NELL2: variants seen among roughly 807,000 people sequenced by gnomAD.
The protein encoded by NELL2 is protein kinase C-binding protein NELL2.
Under a neutral mutation model 109.6 loss-of-function variants are expected in NELL2, and 41 were observed. The observed-to-expected ratio is 0.37, with a 90% confidence interval of 0.29 to 0.49. NELL2 has a LOEUF of 0.49. Ranked by LOEUF, NELL2 falls within the 20% of genes least tolerant of loss-of-function variation. The pLI is 0.98. For missense variants in NELL2, 900 were observed against 1,008.3 expected, an observed-to-expected ratio of 0.89 and a Z score of 1.45; for synonymous variants, 355 against 344.7, an observed-to-expected ratio of 1.03 and a Z score of -0.33.
At chr12:44,877,829 T>G (rs1945365016), upstream of NELL2, among the ~76,000 whole-genome samples, 1 of 152,152 alleles carries the variant, frequency 6.6e-6, no homozygotes, top group Non-Finnish European at 1.5e-5. Context: ...ATTTCAGTAC[T>G]TACAAGTGAT....
intron 9 of NELL2, among the ~76,000 whole-genome samples, chr12:44,716,912 G>C (rs1035196664): frequency 6.6e-6 from 1 of 152,000 alleles, no homozygotes; most frequent in African/African-American, 2.4e-5. Flanking sequence ...CCTTCTGTTT[G>C]AGACTCTTAA....
Position 44,532,344 on chromosome 12 carries a change from C to G in NELL2, c.1804+237G>C, listed in dbSNP as rs369964972. 5.5e-4 allele frequency among the ~76,000 whole-genome samples: 84 copies of G among 152,226 alleles called. 1 individual carries two copies. In the South Asian group the frequency reaches 7.9e-3, roughly 14 times the overall value. On this transcript the variant is annotated intron_variant, in intron 16 of 19. Coordinates refer to ENST00000429094, the MANE Select transcript of NELL2 (RefSeq NM_001145108.2). ...TTTTCATTCTAAAAACACCATTTAACAGTTGCAAGAATCCACAGAAAACTG... is the reference window on the plus strand; with the variant it reads ...TTTTCATTCTAAAAACACCATTTAAGAGTTGCAAGAATCCACAGAAAACTG...
intron 15 of NELL2, among the ~76,000 whole-genome samples, chr12:44,564,707 G>T (rs1254026919): frequency 6.6e-6 from 1 of 152,162 alleles, no homozygotes; most frequent in Non-Finnish European, 1.5e-5. Flanking sequence ...TATTATTTTA[G>T]ATACAAGGAG....
intron 2 of NELL2, among the ~76,000 whole-genome samples, chr12:44,820,765 TG>T (rs1304987683): frequency 2.6e-5 from 4 of 152,172 alleles, no homozygotes; most frequent in Non-Finnish European, 5.9e-5. Context: ...GGAAGCCTGA[TG>T]GTACCCAAAT....
rs199664700 is a variant in NELL2, at chr12:44,888,850, AT to A, written c.39-12951del. ...ACAACTGCCATAAAATAAAAAAAAA[AT>A]AAATAAATAAATAAGAGAAGTATTG... On this transcript the variant is annotated intron_variant, in intron 1 of 20. Transcript: ENST00000333837. 5.7e-4 allele frequency among the ~76,000 whole-genome samples: 87 copies of A among 151,894 alleles called. No homozygotes were observed. The East Asian group carries it at 0.016, about 28-fold the overall frequency.
intron 2 of NELL2, among the ~76,000 whole-genome samples, chr12:44,817,254 T>C (rs2136688160): frequency 6.6e-6 from 1 of 152,258 alleles, no homozygotes; most frequent in South Asian, 2.1e-4. Flanking sequence ...AGCAGAAACT[T>C]AGTTGGGAAT....
intron 12 of NELL2, among the ~76,000 whole-genome samples, chr12:44,690,063 C>T (rs1015245869): frequency 2.6e-5 from 4 of 152,142 alleles, no homozygotes; most frequent in Non-Finnish European, 5.9e-5. Flanking sequence ...CCTTCTCCCA[C>T]TTTAATGTGC....
At chr12:44,846,557 A>T (rs1944376550) in intron 2 of NELL2, among the ~76,000 whole-genome samples, 1 of 152,214 alleles carries the variant, frequency 6.6e-6, no homozygotes, top group Non-Finnish European at 1.5e-5. Flanking sequence ...TGGCTGCAGT[A>T]GTGAAGTAGC....
At chr12:44,708,338 G>A (rs182488575) in intron 11 of NELL2, among the ~76,000 whole-genome samples, 12 of 152,210 alleles carry the variant, frequency 7.9e-5, no homozygotes, top group South Asian at 2.1e-4. Flanking sequence ...GCCTGACTTC[G>A]GTGTGTAGCT....
At chr12:44,717,195 T>C (rs746435620) in intron 9 of NELL2, among the ~76,000 whole-genome samples, 1 of 152,060 alleles carries the variant, frequency 6.6e-6, no homozygotes, top group African/African-American at 2.4e-5. Context: ...CTAGACTCTT[T>C]AGAGGAGAAA....
intron 2 of NELL2, among the ~76,000 whole-genome samples, chr12:44,861,071 C>A (rs1944827424): frequency 6.6e-6 from 1 of 152,164 alleles, no homozygotes; most frequent in Non-Finnish European, 1.5e-5. Context: ...TATACCATCA[C>A]AAAAGCTAAG....
intron 1 of NELL2, among the ~76,000 whole-genome samples, chr12:44,912,355 A>C (rs916574164): frequency 9.9e-5 from 15 of 152,144 alleles, no homozygotes; most frequent in Admixed American, 4.6e-4. Context: ...CACAAGAAAA[A>C]GGAGGCATCT....
intron 10 of NELL2, among the ~76,000 whole-genome samples, chr12:44,714,208 G>A (rs752454757): frequency 2.2e-4 from 34 of 151,910 alleles, no homozygotes; most frequent in Admixed American, 5.9e-4. Flanking sequence ...CCTTCCAAAG[G>A]GAATTAGATA....
chr12:44,791,191 T>G (rs1161395338), intron 3 of NELL2, among the ~76,000 whole-genome samples: 2 of 39,022 alleles, frequency 5.1e-5, no homozygotes, highest in Non-Finnish European at 1.2e-4. Context: ...ATCATATATA[T>G]ATATATATAT....
chr12:44,773,423 C>T (rs1282086595), intron 9 of NELL2, among the ~76,000 whole-genome samples: 2 of 151,610 alleles, frequency 1.3e-5, no homozygotes, highest in African/African-American at 4.9e-5. Flanking sequence ...TTGCAGTGAG[C>T]GGAAATCACG....
intron 9 of NELL2, among the ~76,000 whole-genome samples, chr12:44,720,617 A>G (rs1290574191): frequency 3.9e-5 from 6 of 152,218 alleles, no homozygotes; most frequent in Admixed American, 2.0e-4. Context: ...CAATGTAATG[A>G]CAAAACTTTC....
At chr12:44,917,259 G>C (rs568787552), upstream of NELL2, among the ~76,000 whole-genome samples, 1 of 152,294 alleles carries the variant, frequency 6.6e-6, no homozygotes, top group African/African-American at 2.4e-5. Context: ...TTGACCTCTT[G>C]ATGATTATAC....
chr12:44,762,662 A>G (rs1414043706), intron 9 of NELL2, among the ~76,000 whole-genome samples: 1 of 152,126 alleles, frequency 6.6e-6, no homozygotes, highest in African/African-American at 2.4e-5. Context: ...ACCTCACTAC[A>G]CAGAGCCTCT....
chr12:44,712,929 A>T (rs1414029875), intron 10 of NELL2, among the ~76,000 whole-genome samples: 1 of 151,920 alleles, frequency 6.6e-6, no homozygotes, highest in South Asian at 2.1e-4. Context: ...TTTCTATTGG[A>T]TGGTGCAGCA....
Sources: gnomAD v4.1 joint callset for allele counts (sites outside exome capture counted in the v4.1 genomes callset) on GRCh38, gnomAD v4.1.1 for gene constraint, MANE v1.5 for transcripts, NCBI Gene and HGNC (gene_info 2026-07-23, HGNC 2026-07-21) for gene names.